PPP1R9A: variants seen among roughly 807,000 people sequenced by gnomAD.
The protein encoded by PPP1R9A is protein phosphatase 1 regulatory subunit 9A, also known as neurabin-1.
A neutral mutation model predicts 141.9 loss-of-function variants in PPP1R9A; 59 were observed. That is an observed-to-expected ratio of 0.42 (90% CI 0.34 to 0.52). The LOEUF (loss-of-function observed/expected upper bound fraction) is 0.52. Ranked by LOEUF, PPP1R9A falls within the 20% of genes least tolerant of loss-of-function variation. The pLI, the probability that PPP1R9A is intolerant of heterozygous loss-of-function variation, is 0.10. For missense variants in PPP1R9A, 1,444 were observed against 1,611.9 expected, an observed-to-expected ratio of 0.90 and a Z score of 1.78; for synonymous variants, 500 against 569.7, an observed-to-expected ratio of 0.88 and a Z score of 1.74.
Position 95,274,134 on chromosome 7 carries a change from G to T in PPP1R9A, c.3262G>T (p.Glu1088Ter). The change falls in exon 16 of 20, where the codon GAA becomes TAA. Residue 1088 changes from glutamate (E) to a stop codon, truncating the protein, a stop_gained. Coordinates refer to ENST00000433360, the MANE Select transcript of PPP1R9A (RefSeq NM_001166160.2). LOFTEE classifies it high-confidence loss of function. ...CAAGGGAAAGAAGTGGAAAGAAAAAGAAAAAGAAGCCAGTAGGTTTTCTGC... is the reference window on the plus strand; with the variant it reads ...CAAGGGAAAGAAGTGGAAAGAAAAATAAAAAGAAGCCAGTAGGTTTTCTGC... ...SSKGKKWKEKEKEASRFSAGS... is the reference protein window; with the variant it reads ...SSKGKKWKEK 1.3e-6 allele frequency: 2 copies of T among 1,582,088 alleles called. No homozygotes were observed. Among genetic ancestry groups the T allele is most frequent in the Non-Finnish European group, 1.7e-6 (2 of 1,170,222 alleles).
At chr7:95,023,207 G>A (rs890822971) in intron 2 of PPP1R9A, among the ~76,000 whole-genome samples, 43 of 152,128 alleles carry the variant, frequency 2.8e-4, no homozygotes, top group African/African-American at 1.0e-3. Flanking sequence ...TTAGACTTGG[G>A]AGGGTGTATG....
At chr7:94,944,263 C>G (rs1341490575) in intron 2 of PPP1R9A, among the ~76,000 whole-genome samples, 2 of 151,850 alleles carry the variant, frequency 1.3e-5, no homozygotes, top group Admixed American at 1.3e-4. Context: ...TGAATTTTTC[C>G]TGCCTTCCCT....
intron 5 of PPP1R9A, among the ~76,000 whole-genome samples, chr7:95,171,672 A>T (rs1192498719): frequency 3.3e-5 from 5 of 151,670 alleles, no homozygotes; most frequent in Admixed American, 3.3e-4. Flanking sequence ...TGTATACATG[A>T]AGATGAGTTT....
chr7:94,953,038 T>C (rs1796656052), intron 2 of PPP1R9A, among the ~76,000 whole-genome samples: 1 of 152,188 alleles, frequency 6.6e-6, no homozygotes, highest in Non-Finnish European at 1.5e-5. Context: ...TGCCCATGCC[T>C]ATGTCCTGAA....
chr7:94,959,811 A>G (rs949134386), intron 2 of PPP1R9A, among the ~76,000 whole-genome samples: 2 of 151,878 alleles, frequency 1.3e-5, no homozygotes, highest in Middle Eastern at 3.4e-3. Flanking sequence ...GTTATTATAA[A>G]ATGTTAACAG....
intron 2 of PPP1R9A, among the ~76,000 whole-genome samples, chr7:95,056,298 A>G (rs1459210240): frequency 1.3e-5 from 2 of 152,116 alleles, no homozygotes; most frequent in Non-Finnish European, 2.9e-5. Context: ...TTTTCTTGTA[A>G]TCTTTCATTA....
At chr7:95,026,687 GC>G (rs1206192558) in intron 2 of PPP1R9A, among the ~76,000 whole-genome samples, 3 of 152,140 alleles carry the variant, frequency 2.0e-5, no homozygotes, top group Non-Finnish European at 4.4e-5. Context: ...ACCCACAGTT[GC>G]CCCTTCCCTG....
In PPP1R9A at chr7:95,120,762, G is replaced by T; in HGVS notation, c.1579G>T (p.Ala527Ser). ...SIIGMGVGADAGLEKLGIFVK... is the reference protein window; with the variant it reads ...SIIGMGVGADSGLEKLGIFVK... ...TATTGGAATGGGTGTTGGAGCAGATGCTGGACTTGAAAAGCTGGGAATATT... is the reference window on the plus strand; with the variant it reads ...TATTGGAATGGGTGTTGGAGCAGATTCTGGACTTGAAAAGCTGGGAATATT... Residue 527 changes from alanine (A) to serine (S), a missense_variant, in exon 4 of 20, where the codon GCT becomes TCT. Coordinates refer to ENST00000433360, the MANE Select transcript of PPP1R9A (RefSeq NM_001166160.2). 1 of 1,614,088 alleles carries T rather than the reference G, an allele frequency of 6.2e-7. No individual in the cohort carries two copies. Among genetic ancestry groups the T allele is most frequent in the Non-Finnish European group, 8.5e-7 (1 of 1,179,960 alleles).
intron 8 of PPP1R9A, among the ~76,000 whole-genome samples, chr7:95,236,605 T>C (rs1433575757): frequency 6.6e-6 from 1 of 151,750 alleles, no homozygotes; most frequent in Non-Finnish European, 1.5e-5. Context: ...TTCTCTTTAT[T>C]TGAATATTTT....
intron 4 of PPP1R9A, among the ~76,000 whole-genome samples, chr7:95,133,410 A>G (rs537046339): frequency 6.6e-6 from 1 of 151,626 alleles, no homozygotes; most frequent in Non-Finnish European, 1.5e-5. Flanking sequence ...CTGCCTGTAT[A>G]CCTAGGATAT....
At chr7:95,016,380 A>G (rs1351124235) in intron 2 of PPP1R9A, among the ~76,000 whole-genome samples, 3 of 152,180 alleles carry the variant, frequency 2.0e-5, no homozygotes, top group African/African-American at 7.2e-5. Context: ...GAAAATTTCA[A>G]AAATTGCCAA....
In PPP1R9A at chr7:95,113,431, A is replaced by G. The variant is rs186968145; in HGVS notation, c.1528+2040A>G. 1.3e-4 allele frequency among the ~76,000 whole-genome samples: 20 copies of G among 152,334 alleles called. No homozygotes were observed. In the East Asian group the frequency reaches 2.9e-3, roughly 22 times the overall value. ...TTATCCATTTATGAGTGAGAGGGCT[A>G]AATAACCCCAAACTGATCCCACACT... On this transcript the variant is annotated intron_variant, in intron 3 of 19. Coordinates refer to ENST00000433360, the MANE Select transcript of PPP1R9A (RefSeq NM_001166160.2).
chr7:95,052,672 C>T (rs1040294064), intron 2 of PPP1R9A, among the ~76,000 whole-genome samples: 2 of 152,144 alleles, frequency 1.3e-5, no homozygotes, highest in African/African-American at 2.4e-5. Context: ...CTTCTTCCTG[C>T]TGGATATCTC....
At chr7:95,011,027 C>T (rs185120169) in intron 2 of PPP1R9A, among the ~76,000 whole-genome samples, 76 of 152,232 alleles carry the variant, frequency 5.0e-4, no homozygotes, top group Middle Eastern at 6.8e-3. Flanking sequence ...TCAATATAAT[C>T]TCTTTACATT....
At chr7:95,048,470 T>A (rs1810336132) in intron 2 of PPP1R9A, among the ~76,000 whole-genome samples, 1 of 152,096 alleles carries the variant, frequency 6.6e-6, no homozygotes, top group Non-Finnish European at 1.5e-5. Flanking sequence ...AAGGGTAAAT[T>A]TTCTGGAGAA....
chr7:95,176,470 G>GA (rs1299715799), intron 5 of PPP1R9A: 5 of 151,344 alleles, frequency 3.3e-5, no homozygotes, highest in Admixed American at 1.3e-4. Context: ...CTCCCCCCCA[G>GA]AAAAAAAATC....
At chr7:95,259,002 A>G (rs945928064) in intron 12 of PPP1R9A, among the ~76,000 whole-genome samples, 3 of 152,196 alleles carry the variant, frequency 2.0e-5, no homozygotes, top group African/African-American at 7.2e-5. Context: ...TCCATGTAGC[A>G]TTGTTTGTAT....
chr7:95,006,781 C>T (rs965920882), intron 2 of PPP1R9A, among the ~76,000 whole-genome samples: 1 of 152,110 alleles, frequency 6.6e-6, no homozygotes, highest in Non-Finnish European at 1.5e-5. Flanking sequence ...GGTTTATTTG[C>T]TAATAGCCTG....
chr7:95,290,070 G>C (rs1268500382), intron 19 of PPP1R9A, 21 bp from the exon 20 acceptor site: 13 of 1,610,224 alleles, frequency 8.1e-6, no homozygotes, highest in Non-Finnish European at 1.1e-5. Context: ...AATTCAGTTT[G>C]TGTGTGTGTT....
Sources: allele counts gnomAD v4.1 joint callset (sites outside exome capture counted in the v4.1 genomes callset), GRCh38; gene constraint gnomAD v4.1.1; transcripts MANE v1.5; gene names NCBI Gene and HGNC (gene_info 2026-07-23, HGNC 2026-07-21).